The following ZFAT variants were observed in gnomAD, a reference collection of about 807,000 sequenced individuals.
ZFAT encodes the protein zinc finger and AT-hook domain containing.
A neutral mutation model predicts 117.7 loss-of-function variants in ZFAT; 64 were observed. That is an observed-to-expected ratio of 0.54 (90% CI 0.44 to 0.67). ZFAT has a LOEUF of 0.67. Ranked by LOEUF, ZFAT falls within the 30% of genes least tolerant of loss-of-function variation. The pLI is 0.00. For synonymous variants in ZFAT, 679 were observed against 615.0 expected (o/e 1.10, Z -1.54); for missense variants, 1,433 against 1,584.5 (o/e 0.90, Z 1.62).
At chr8:134,793,879 G>A in the ZFAT span, 1 of 152,134 alleles carries the variant, frequency 6.6e-6, no homozygotes, top group Non-Finnish European at 1.5e-5. Flanking sequence ...GTGCTCTACC[G>A]ACATGCACAA....
At chr8:134,599,325 A>G (rs994917630) in intron 7 of ZFAT, 6 of 164,598 alleles carry the variant, frequency 3.6e-5, no homozygotes, top group African/African-American at 9.6e-5. Context: ...GCGCATGCAT[A>G]TAAGTGTATG....
intron 1 of ZFAT, among the ~76,000 whole-genome samples, chr8:134,705,112 T>C (rs1037810272): frequency 1.3e-5 from 2 of 152,092 alleles, no homozygotes; most frequent in African/African-American, 2.4e-5. Context: ...CACACACATA[T>C]ATACAACAAA....
At chr8:134,623,094 C>T (rs1380861620) in intron 3 of ZFAT, among the ~76,000 whole-genome samples, 1 of 152,140 alleles carries the variant, frequency 6.6e-6, no homozygotes, top group Non-Finnish European at 1.5e-5. Context: ...TGACTCCTCG[C>T]TCCATTCCCA....
At chr8:134,509,595 T>C (rs17688295) in intron 15 of ZFAT, 24 bp downstream of exon 15, 29,389 of 1,612,260 alleles carry the variant, frequency 0.018, 334 homozygotes, top group Non-Finnish European at 0.023. Context: ...CAGAGATGAA[T>C]AGTTACAGAA....
intron 3 of ZFAT, among the ~76,000 whole-genome samples, chr8:134,631,230 T>C (rs1829869773): frequency 6.6e-6 from 1 of 152,228 alleles, no homozygotes; most frequent in Non-Finnish European, 1.5e-5. Flanking sequence ...CTGCCATTGC[T>C]GAAGAGACTG....
At chr8:134,541,223 C>T (rs1586672593) in intron 11 of ZFAT, among the ~76,000 whole-genome samples, 2 of 152,150 alleles carry the variant, frequency 1.3e-5, no homozygotes, top group South Asian at 2.1e-4. Flanking sequence ...GCATTTAAGA[C>T]GTGACTGAAT....
At chr8:134,622,852 T>C (rs1031749700) in intron 3 of ZFAT, among the ~76,000 whole-genome samples, 20 of 152,054 alleles carry the variant, frequency 1.3e-4, no homozygotes, top group African/African-American at 4.6e-4. Flanking sequence ...AGGCCACAGC[T>C]CTCTCCCTCG....
the ZFAT span, among the ~76,000 whole-genome samples, chr8:134,721,112 T>A: frequency 6.6e-6 from 1 of 152,032 alleles, no homozygotes; most frequent in Non-Finnish European, 1.5e-5. Context: ...GCCCTACGTG[T>A]GTTTAGTGAG....
chr8:134,736,750 G>A, the ZFAT span, among the ~76,000 whole-genome samples: 1 of 152,026 alleles, frequency 6.6e-6, no homozygotes, highest in Non-Finnish European at 1.5e-5. Context: ...ACCACACCCA[G>A]CTAATTTTTT....
chr8:134,565,752 C>G, intron 10 of ZFAT: 1 of 392,928 alleles, frequency 2.5e-6, no homozygotes, highest in Non-Finnish European at 4.7e-6. Flanking sequence ...GAGAGGGGCA[C>G]ACACAGATGA....
chr8:134,535,931 G>A (rs77585230), intron 11 of ZFAT, among the ~76,000 whole-genome samples: 3,456 of 152,110 alleles, frequency 0.023, 120 homozygotes, highest in African/African-American at 0.08. Flanking sequence ...TGCCAGCATC[G>A]GGCAGTCAGT....
intron 6 of ZFAT, 62 bp from the exon 7 acceptor site, chr8:134,600,730 A>G: frequency 7.6e-7 from 1 of 1,319,622 alleles, no homozygotes; most frequent in Non-Finnish European, 1.0e-6. Context: ...TGAATTTTTT[A>G]AATTATTATT....
Position 134,629,226 on chromosome 8 carries a change from T to A in ZFAT, c.448+8235A>T, listed in dbSNP as rs115308346. Among the ~76,000 whole-genome samples, 274 of 152,266 alleles carry A rather than the reference T, an allele frequency of 1.8e-3. 1 individual carries two copies. Among genetic ancestry groups the A allele is most frequent in the African/African-American group, 6.3e-3 (262 of 41,542 alleles). ...GGAGGATCATCAGTTGGGAGCTGGATGAGTTTCGGATTGAACACACTGCAT... is the reference window on the plus strand; with the variant it reads ...GGAGGATCATCAGTTGGGAGCTGGAAGAGTTTCGGATTGAACACACTGCAT... On this transcript the variant is annotated intron_variant, in intron 3 of 15. Coordinates refer to ENST00000377838, the MANE Select transcript of ZFAT (RefSeq NM_020863.4).
At chr8:134,825,800 C>T in the ZFAT span, among the ~76,000 whole-genome samples, 1 of 152,078 alleles carries the variant, frequency 6.6e-6, no homozygotes, top group African/African-American at 2.4e-5. Flanking sequence ...GCGGGCGGAT[C>T]ACGAGGTCAG....
chr8:134,505,982 A>G (rs1394074294), intron 15 of ZFAT, among the ~76,000 whole-genome samples: 1 of 152,214 alleles, frequency 6.6e-6, no homozygotes, highest in Non-Finnish European at 1.5e-5. Flanking sequence ...TGTTACTTTG[A>G]GTCTAAAATA....
chr8:134,511,429 A>C (rs573067752), intron 14 of ZFAT, among the ~76,000 whole-genome samples: 1 of 152,332 alleles, frequency 6.6e-6, no homozygotes, highest in Admixed American at 6.5e-5. Flanking sequence ...AAGTGGAGGC[A>C]CTGCCTCCTG....
chr8:134,655,048 C>T (rs1194383690), intron 2 of ZFAT, among the ~76,000 whole-genome samples: 1 of 152,174 alleles, frequency 6.6e-6, no homozygotes, highest in African/African-American at 2.4e-5. Context: ...AGCAAGAACA[C>T]CTGCAAGGGG....
In ZFAT at chr8:134,602,179, C is replaced by G. The variant is rs1422113094; in HGVS notation, c.1540G>C (p.Asp514His). ...TCCTCTTCCACCAGCTGTAGCTGGT[C>G]CCCCAGAGCTTCTTGCTGGATGTCC... ...GGDIQQEALGDQLQLVEEEFA... is the reference protein window; with the variant it reads ...GGDIQQEALGHQLQLVEEEFA... Residue 514 changes from aspartate (D) to histidine (H), a missense_variant, in exon 6 of 16, where the codon GAC becomes CAC. Asp to His is a moderately conservative substitution (Grantham distance 81). Coordinates refer to ENST00000377838, the MANE Select transcript of ZFAT (RefSeq NM_020863.4). The G allele has an allele frequency of 6.2e-7, 1 of 1,613,310 alleles. No homozygotes were observed. The highest frequency in any genetic ancestry group is 1.3e-5 in the African/African-American group (1 of 74,952).
At chr8:134,526,455 A>G (rs1821031291) in intron 12 of ZFAT, among the ~76,000 whole-genome samples, 1 of 152,218 alleles carries the variant, frequency 6.6e-6, no homozygotes, top group African/African-American at 2.4e-5. Context: ...TACTCATGGC[A>G]CTGATATTAA....
Sources: allele counts gnomAD v4.1 joint callset (sites outside exome capture counted in the v4.1 genomes callset), GRCh38; gene constraint gnomAD v4.1.1; transcripts MANE v1.5; gene names NCBI Gene and HGNC (gene_info 2026-07-23, HGNC 2026-07-21).